Variants in ERC2 observed in about 807,000 individuals in gnomAD.
ERC2 encodes ERC protein 2.
A neutral mutation model predicts 114.8 loss-of-function variants in ERC2; 42 were observed. The ratio of observed to expected loss-of-function variants is 0.37; its 90% CI spans 0.29 to 0.47. The LOEUF (loss-of-function observed/expected upper bound fraction) is 0.47. Among genes scored for constraint, ERC2 ranks in the 20% least tolerant of loss-of-function variants. The pLI is 0.99. For missense variants in ERC2, 939 were observed against 1,150.7 expected, an observed-to-expected ratio of 0.82 and a Z score of 2.66; for synonymous variants, 454 against 425.5, an observed-to-expected ratio of 1.07 and a Z score of -0.82.
chr3:55,958,793 G>C (rs1025773504), intron 12 of ERC2, among the ~76,000 whole-genome samples: 3 of 152,346 alleles, frequency 2.0e-5, no homozygotes, highest in Non-Finnish European at 2.9e-5. Context: ...GGCACCAGGA[G>C]TGGGAAGAGG....
At chr3:56,053,423 T>C (rs1194771459) in intron 7 of ERC2, among the ~76,000 whole-genome samples, 3 of 152,192 alleles carry the variant, frequency 2.0e-5, no homozygotes, top group Non-Finnish European at 4.4e-5. Flanking sequence ...ACATGTAAGC[T>C]GTATTTACAT....
intron 17 of ERC2, among the ~76,000 whole-genome samples, chr3:55,624,150 G>A (rs1052505216): frequency 5.9e-5 from 9 of 152,202 alleles, no homozygotes; most frequent in African/African-American, 2.2e-4. Flanking sequence ...CAGGTAGGAT[G>A]TAGGCAGATA....
intron 14 of ERC2, among the ~76,000 whole-genome samples, chr3:55,792,437 G>T (rs1031056697): frequency 6.6e-6 from 1 of 152,122 alleles, no homozygotes; most frequent in Non-Finnish European, 1.5e-5. Context: ...TAATTTTATT[G>T]TTGACAAATG....
chr3:56,201,929 T>C (rs2048431093), intron 3 of ERC2, among the ~76,000 whole-genome samples: 1 of 152,230 alleles, frequency 6.6e-6, no homozygotes, highest in Non-Finnish European at 1.5e-5. Flanking sequence ...AAAGGATGCT[T>C]TATTAACATG....
chr3:55,845,294 G>A (rs2061308703), intron 14 of ERC2, among the ~76,000 whole-genome samples: 1 of 152,082 alleles, frequency 6.6e-6, no homozygotes, highest in African/African-American at 2.4e-5. Flanking sequence ...CACGAGGTCA[G>A]GAGATCGAGA....
At chr3:55,980,509 A>G (rs1345751008) in intron 12 of ERC2, among the ~76,000 whole-genome samples, 1 of 152,220 alleles carries the variant, frequency 6.6e-6, no homozygotes, top group African/African-American at 2.4e-5. Context: ...TGCATAATGA[A>G]GTGATAGAAT....
intron 7 of ERC2, among the ~76,000 whole-genome samples, chr3:56,070,511 T>C (rs2076685120): frequency 6.7e-6 from 1 of 149,876 alleles, no homozygotes; most frequent in South Asian, 2.1e-4. Context: ...GTATAGAATA[T>C]AAGGTCTTAA....
At chr3:55,954,325 T>A (rs1402766849) in intron 12 of ERC2, among the ~76,000 whole-genome samples, 1 of 152,114 alleles carries the variant, frequency 6.6e-6, no homozygotes, top group East Asian at 1.9e-4. Flanking sequence ...ATCAAGGAAT[T>A]TGAATTAAAT....
intron 14 of ERC2, among the ~76,000 whole-genome samples, chr3:55,750,252 G>C (rs1458049475): frequency 6.6e-6 from 1 of 152,084 alleles, no homozygotes; most frequent in East Asian, 1.9e-4. Context: ...ATAAGAAATT[G>C]TTAATAATTA....
chr3:55,589,645 G>A (rs534968114), intron 17 of ERC2, among the ~76,000 whole-genome samples: 2 of 152,232 alleles, frequency 1.3e-5, no homozygotes, highest in South Asian at 4.2e-4. Context: ...TGAATTCCCA[G>A]CCTCCAGGAA....
chr3:56,060,203 GACAA>G (rs1453450484), intron 7 of ERC2, among the ~76,000 whole-genome samples: 1 of 152,170 alleles, frequency 6.6e-6, no homozygotes, highest in Non-Finnish European at 1.5e-5. Flanking sequence ...TGAAGGAACT[GACAA>G]ACAAACATAG....
chr3:55,658,661 C>T (rs915108381), intron 17 of ERC2: 2 of 152,720 alleles, frequency 1.3e-5, no homozygotes, highest in Non-Finnish European at 2.9e-5. Context: ...GCATTTTGCA[C>T]ACTTGCTCAT....
intron 7 of ERC2, among the ~76,000 whole-genome samples, chr3:56,023,774 T>TGAAGGAAGGAATGAAGGAAGGAAGGAAG (rs2073873138): frequency 7.6e-6 from 1 of 131,772 alleles, no homozygotes. Context: ...AAAAAAGGAA[T>TGAAGGAAGGAATGAAGGAAGGAAGGAAG]GAAGGAAGGA....
chr3:56,425,201 A>T (rs959096420), intron 2 of ERC2, among the ~76,000 whole-genome samples: 1 of 151,968 alleles, frequency 6.6e-6, no homozygotes, highest in Non-Finnish European at 1.5e-5. Context: ...TGCCCCAACC[A>T]TCTCCCCACA....
At chr3:56,123,461 T>G (rs1039188875) in intron 6 of ERC2, among the ~76,000 whole-genome samples, 2 of 152,174 alleles carry the variant, frequency 1.3e-5, no homozygotes, top group Non-Finnish European at 2.9e-5. Flanking sequence ...AAAAAAATTC[T>G]TGCTTCTAAG....
At chr3:55,670,398 C>G (rs2061511622) in intron 17 of ERC2, among the ~76,000 whole-genome samples, 1 of 152,212 alleles carries the variant, frequency 6.6e-6, no homozygotes, top group Non-Finnish European at 1.5e-5. Flanking sequence ...CCCTTGTTGG[C>G]TGTCTTCACG....
In ERC2 at chr3:56,314,196, A is replaced by G. The variant is rs529147194; in HGVS notation, c.658-17761T>C. ...TCAGATAACCTTGAATGGGCCTCCA[A>G]TGTGGTCATACACTAGCTTTAAGGT... On this transcript the variant is annotated intron_variant, in intron 2 of 17. Coordinates refer to ENST00000288221, the MANE Select transcript of ERC2 (RefSeq NM_015576.3). Among the ~76,000 whole-genome samples the G allele has an allele frequency of 3.3e-5, 5 of 152,292 alleles. No homozygotes were observed. In the South Asian group the frequency reaches 8.3e-4, roughly 25 times the overall value.
chr3:56,447,439 G>A (rs765784119), intron 1 of ERC2, among the ~76,000 whole-genome samples: 1 of 152,230 alleles, frequency 6.6e-6, no homozygotes, highest in African/African-American at 2.4e-5. Flanking sequence ...AGAGGGAGAC[G>A]AGAAGTGGGG....
chr3:55,778,258 G>T (rs1028290395), intron 14 of ERC2, among the ~76,000 whole-genome samples: 34 of 152,162 alleles, frequency 2.2e-4, no homozygotes, highest in African/African-American at 8.0e-4. Flanking sequence ...GGAGAAATCA[G>T]GTTCTCTGGA....
Sources: allele counts gnomAD v4.1 joint callset (sites outside exome capture counted in the v4.1 genomes callset), GRCh38; gene constraint gnomAD v4.1.1; transcripts MANE v1.5; gene names NCBI Gene and HGNC (gene_info 2026-07-23, HGNC 2026-07-21).